KPNA1: variants seen among roughly 807,000 people sequenced by gnomAD.
KPNA1 encodes the protein karyopherin subunit alpha 1, also known as importin subunit alpha-5.
In KPNA1, 10 loss-of-function variants were observed where a neutral mutation model predicts 70.5. The observed-to-expected ratio is 0.14, with a 90% CI of 0.09 to 0.24. The LOEUF is 0.24. KPNA1 is among the 10% of genes least tolerant of loss of function. The pLI, the probability that KPNA1 is intolerant of heterozygous loss-of-function variation, is 1.00. For synonymous variants in KPNA1, 192 were observed against 221.9 expected (o/e 0.87, Z 1.20); for missense variants, 397 against 637.9 (o/e 0.62, Z 4.07).
chr3:122,511,156 G>C (rs1306932385), intron 1 of KPNA1, among the ~76,000 whole-genome samples: 1 of 152,172 alleles, frequency 6.6e-6, no homozygotes, highest in Non-Finnish European at 1.5e-5. Flanking sequence ...CCCATCAATA[G>C]ATGTCAGAGT....
chr3:122,442,267 G>T, intron 9 of KPNA1, 151 bp from the exon 10 acceptor site: 1 of 621,512 alleles, frequency 1.6e-6, no homozygotes. Flanking sequence ...TTATCATGAT[G>T]ATGGAATGTC....
intron 12 of KPNA1, among the ~76,000 whole-genome samples, chr3:122,430,606 G>T (rs1304112229): frequency 6.6e-6 from 1 of 151,570 alleles, no homozygotes; most frequent in East Asian, 1.9e-4. Flanking sequence ...CTGTGTGTTT[G>T]TGTGTTTGGT....
Position 122,452,045 on chromosome 3 carries a change from T to C in KPNA1, c.584A>G (p.Asn195Ser). The change falls in exon 7 of 14, where the codon AAC becomes AGC. Residue 195 changes from asparagine (N) to serine (S), a missense_variant. Coordinates refer to ENST00000344337, the MANE Select transcript of KPNA1 (RefSeq NM_002264.4). ...GCACATGGTACTATCTCCAGCAATG[T>C]TGCCAAGAGCCCAGACTGCCTGTGA... ...VQEQAVWALG[N>S]IAGDSTMCRD... 6.2e-7 allele frequency: 1 copy of C among 1,611,272 alleles called. No homozygotes were observed. The highest frequency in any genetic ancestry group is 8.5e-7 in the Non-Finnish European group (1 of 1,177,706).
At chr3:122,470,039 T>TA (rs1345088768) in intron 2 of KPNA1, among the ~76,000 whole-genome samples, 1 of 152,106 alleles carries the variant, frequency 6.6e-6, no homozygotes, top group Non-Finnish European at 1.5e-5. Flanking sequence ...AAGGAAATGA[T>TA]ACAGGTCAGA....
chr3:122,510,669 G>A (rs900749713), intron 1 of KPNA1, among the ~76,000 whole-genome samples: 2 of 152,010 alleles, frequency 1.3e-5, no homozygotes, highest in Non-Finnish European at 2.9e-5. Flanking sequence ...TTGCTTAGAC[G>A]AAAGCCAATA....
rs3762637 is a variant in KPNA1, at chr3:122,426,477, C to T, written c.*508G>A. 0.14 allele frequency: 21,275 copies of T among 152,628 alleles called. 1,590 individuals are homozygous for T. The highest frequency in any genetic ancestry group is 0.32 in the East Asian group (1,673 of 5,180). 9.5% of individuals were successfully genotyped at this position (152,628 alleles called of 1,614,324 possible). ...TGCAAATCTGGCTAGAAAAAGCCAC[C>T]AGGTAATCCAAGGGTTCACTGTGGA... is the stretch of plus-strand genomic sequence containing the variant. On this transcript the variant is annotated 3_prime_UTR_variant, in exon 14 of 14. Coordinates refer to ENST00000344337, the MANE Select transcript of KPNA1 (RefSeq NM_002264.4).
At chr3:122,450,374 G>C (rs890802932) in intron 8 of KPNA1, among the ~76,000 whole-genome samples, 1 of 152,176 alleles carries the variant, frequency 6.6e-6, no homozygotes. Flanking sequence ...CTGAGGTCTG[G>C]AGTTCAAGAC....
chr3:122,509,892 T>C (rs1326967651), intron 1 of KPNA1, among the ~76,000 whole-genome samples: 1 of 152,184 alleles, frequency 6.6e-6, no homozygotes, highest in Non-Finnish European at 1.5e-5. Flanking sequence ...GTCCATGGAA[T>C]GCCCTTAAAC....
intron 2 of KPNA1, among the ~76,000 whole-genome samples, chr3:122,488,674 T>C (rs2076658323): frequency 6.6e-6 from 1 of 152,254 alleles, no homozygotes; most frequent in Non-Finnish European, 1.5e-5. Context: ...AATTCTTTAG[T>C]TGACAGTTTC....
chr3:122,501,199 T>C (rs2076825513), intron 1 of KPNA1, among the ~76,000 whole-genome samples: 1 of 151,878 alleles, frequency 6.6e-6, no homozygotes, highest in Non-Finnish European at 1.5e-5. Context: ...CAGCTAATTT[T>C]TGTATTTTTA....
intron 3 of KPNA1, among the ~76,000 whole-genome samples, chr3:122,464,982 A>G (rs2076364054): frequency 1.3e-5 from 2 of 152,240 alleles, no homozygotes; most frequent in African/African-American, 2.4e-5. Context: ...CAAGGTTTCT[A>G]TATGATTTGT....
chr3:122,512,962 A>G (rs6794596), intron 1 of KPNA1, among the ~76,000 whole-genome samples: 148,887 of 152,314 alleles, frequency 0.98, 72,862 homozygotes, highest in South Asian at 1. Context: ...AATATTTGTA[A>G]TATTAGCTTT....
At chr3:122,510,280 C>G (rs532573912) in intron 1 of KPNA1, among the ~76,000 whole-genome samples, 1 of 152,144 alleles carries the variant, frequency 6.6e-6, no homozygotes, top group East Asian at 1.9e-4. Flanking sequence ...AAACAGTAAA[C>G]AGGGGAACCA....
In KPNA1 at chr3:122,427,633, T is replaced by C; in HGVS notation, c.1334A>G (p.Asn445Ser). 1.2e-6 allele frequency: 2 copies of C among 1,614,206 alleles called. No homozygotes were observed. The highest frequency in any genetic ancestry group is 1.1e-5 in the South Asian group (1 of 91,086). ...MDSKIVQVALNGLENILRLGE... is the reference protein window; with the variant it reads ...MDSKIVQVALSGLENILRLGE... ...AAGCCTCAGGATATTTTCCAAGCCATTTAGGGCAACCTGTACAATCTTAGA... is the reference window on the plus strand; with the variant it reads ...AAGCCTCAGGATATTTTCCAAGCCACTTAGGGCAACCTGTACAATCTTAGA... The change falls in exon 13 of 14, where the codon AAT (asparagine) becomes AGT (serine). Residue 445 changes from asparagine (N) to serine (S), a missense_variant. Asn to Ser is a conservative substitution (Grantham distance 46, BLOSUM62 1). Coordinates refer to ENST00000344337, the MANE Select transcript of KPNA1 (RefSeq NM_002264.4).
rs529182443 is a variant in KPNA1 at position 122,426,751 on chromosome 3, G to A, written c.*234C>T. 1.5e-5 allele frequency: 6 copies of A among 405,672 alleles called. No individual in the cohort carries two copies. The highest frequency in any genetic ancestry group is 6.6e-5 in the South Asian group (1 of 15,118). 25.1% of individuals were successfully genotyped at this position (405,672 alleles called of 1,614,324 possible). Reference sequence around the variant, plus strand: ...ATCTCCAAAGCCTAGGGATTTTTCCGTAAAAGAGAGTGGGCCGTTCTGGTT... The same window carrying A: ...ATCTCCAAAGCCTAGGGATTTTTCCATAAAAGAGAGTGGGCCGTTCTGGTT... On this transcript the variant is annotated 3_prime_UTR_variant, in exon 14 of 14. Coordinates refer to ENST00000344337, the MANE Select transcript of KPNA1 (RefSeq NM_002264.4).
intron 2 of KPNA1, among the ~76,000 whole-genome samples, chr3:122,467,955 T>C (rs2076399702): frequency 6.6e-6 from 1 of 152,152 alleles, no homozygotes; most frequent in African/African-American, 2.4e-5. Flanking sequence ...TTAATGTGTA[T>C]AGGCAAAGGA....
At chr3:122,486,472 A>C (rs1180383914) in intron 2 of KPNA1, among the ~76,000 whole-genome samples, 1 of 152,256 alleles carries the variant, frequency 6.6e-6, no homozygotes, top group Admixed American at 6.5e-5. Context: ...AAGGTGCACT[A>C]GGAAACCTCT....
chr3:122,451,180 TCA>T (rs1240448142), intron 8 of KPNA1, among the ~76,000 whole-genome samples: 3 of 152,014 alleles, frequency 2.0e-5, no homozygotes, highest in Admixed American at 6.5e-5. Context: ...CCCAGAGAAC[TCA>T]CAGACCACAC....
At chr3:122,503,923 C>A (rs1031704050) in intron 1 of KPNA1, among the ~76,000 whole-genome samples, 1 of 152,068 alleles carries the variant, frequency 6.6e-6, no homozygotes, top group Non-Finnish European at 1.5e-5. Flanking sequence ...AAACAAAAAA[C>A]CCAGTGGCTG....
Sources: gnomAD v4.1 joint callset for allele counts (sites outside exome capture counted in the v4.1 genomes callset) on GRCh38, gnomAD v4.1.1 for gene constraint, MANE v1.5 for transcripts, NCBI Gene and HGNC (gene_info 2026-07-23, HGNC 2026-07-21) for gene names.